PHEX: variants seen among roughly 807,000 people sequenced by gnomAD.
PHEX encodes phosphate regulating endopeptidase X-linked.
Under a neutral mutation model 68.0 loss-of-function variants are expected in PHEX, and 16 were observed. The observed-to-expected ratio is 0.24, with a 90% confidence interval of 0.16 to 0.36. The LOEUF is 0.36. Among genes scored for constraint, PHEX ranks in the 10% least tolerant of loss-of-function variants. The pLI, the probability that PHEX is intolerant of heterozygous loss-of-function variation, is 1.00. For missense variants in PHEX, 480 were observed against 575.5 expected, an observed-to-expected ratio of 0.83 and a Z score of 1.70; for synonymous variants, 208 against 205.1, an observed-to-expected ratio of 1.01 and a Z score of -0.12.
intron 12 of PHEX, among the ~76,000 whole-genome samples, chrX:22,137,088 G>A (rs985769824): frequency 7.2e-5 from 8 of 111,566 alleles, no homozygotes; most frequent in African/African-American, 2.3e-4. Context: ...GATTTTAGGG[G>A]TGTCTTCTGG....
chrX:22,199,726 G>A (rs1416704572), intron 15 of PHEX, among the ~76,000 whole-genome samples: 1 of 112,103 alleles, frequency 8.9e-6, no homozygotes, highest in Non-Finnish European at 1.9e-5. Context: ...ATTCAGGTAT[G>A]CCAAAGAGAA....
At chrX:22,238,478 A>G (rs5904637) in intron 20 of PHEX, among the ~76,000 whole-genome samples, 38,130 of 110,066 alleles carry the variant, frequency 0.35, 5,052 homozygotes, top group Middle Eastern at 0.41. Context: ...GGCTCGGTGC[A>G]TCCCACCCCC....
chrX:22,075,178 C>G lies in PHEX; in HGVS notation c.350-1210C>G, dbSNP rs750006800. 1.5e-3 allele frequency among the ~76,000 whole-genome samples: 166 copies of G among 109,414 alleles called. 1 individual carries two copies. The highest frequency in any genetic ancestry group is 5.3e-3 in the African/African-American group (161 of 30,121). ...ACAAGCTGAAATAATTGAAAATACT[C>G]ACATCCAACCCAATTTAATTTATTT... On this transcript the variant is annotated intron_variant, in intron 3 of 21. Coordinates refer to ENST00000379374, the MANE Select transcript of PHEX (RefSeq NM_000444.6).
intron 11 of PHEX, among the ~76,000 whole-genome samples, chrX:22,124,205 TC>T (rs1423563497): frequency 9.0e-6 from 1 of 111,692 alleles, no homozygotes; most frequent in Non-Finnish European, 1.9e-5. Context: ...TATCATCCGG[TC>T]CCAATCGTGA....
rs766317897 is a variant in PHEX, at chrX:22,215,210, T to C, written c.1700+2252T>C. On this transcript the variant is annotated intron_variant, in intron 16 of 21. Coordinates refer to ENST00000379374, the MANE Select transcript of PHEX (RefSeq NM_000444.6). ...CCTTAGGCTAGGTCATAGTTAATAC[T>C]TGAGTGTGAAAGAGAGTTTTTTTTT... Among the ~76,000 whole-genome samples, 27 of 111,345 alleles carry C rather than the reference T, an allele frequency of 2.4e-4. 1 individual carries two copies. Among genetic ancestry groups the C allele is most frequent in the Non-Finnish European group, 1.9e-4 (10 of 53,162 alleles).
intron 12 of PHEX, among the ~76,000 whole-genome samples, chrX:22,161,555 C>G (rs914724950): frequency 1.8e-5 from 2 of 112,165 alleles, no homozygotes; most frequent in Admixed American, 1.9e-4. Context: ...TTTTCTGATA[C>G]TCTTGATGAC....
At chrX:22,050,067 C>G (rs747924396) in intron 3 of PHEX, among the ~76,000 whole-genome samples, 1 of 112,332 alleles carries the variant, frequency 8.9e-6, no homozygotes, top group African/African-American at 3.2e-5. Context: ...TGCTTTTGCA[C>G]TCCAATGGTA....
intron 1 of PHEX, among the ~76,000 whole-genome samples, chrX:22,036,692 A>G (rs1173567733): frequency 9.1e-6 from 1 of 109,795 alleles, no homozygotes; most frequent in Non-Finnish European, 1.9e-5. Flanking sequence ...AATATTGCAC[A>G]CTAATCTTTA....
chrX:22,204,685 A>G (rs1736101434), intron 15 of PHEX, among the ~76,000 whole-genome samples: 1 of 111,988 alleles, frequency 8.9e-6, no homozygotes, highest in Non-Finnish European at 1.9e-5. Context: ...TTATAATGGG[A>G]TCTAAATAGA....
intron 11 of PHEX, among the ~76,000 whole-genome samples, chrX:22,131,548 T>A (rs1443652270): frequency 8.8e-6 from 1 of 113,257 alleles, no homozygotes; most frequent in African/African-American, 3.2e-5. Flanking sequence ...CCATCTGCTG[T>A]TTGTTCTTAT....
At chrX:22,228,003 G>A (rs1449091673) in intron 20 of PHEX, among the ~76,000 whole-genome samples, 1 of 111,062 alleles carries the variant, frequency 9.0e-6, no homozygotes, top group Admixed American at 9.6e-5. Context: ...CTGACTTTAT[G>A]CCACCACTCT....
At chrX:22,138,367 C>T (rs919041384) in intron 12 of PHEX, among the ~76,000 whole-genome samples, 5 of 112,640 alleles carry the variant, frequency 4.4e-5, no homozygotes, top group Admixed American at 9.4e-5. Context: ...AGCCACAGTC[C>T]CTTTTCTGCG....
chrX:22,105,436 C>T (rs1050124422), intron 9 of PHEX, among the ~76,000 whole-genome samples: 1 of 111,914 alleles, frequency 8.9e-6, no homozygotes, highest in Non-Finnish European at 1.9e-5. Context: ...GCAGGTCTGG[C>T]GGTAAGGCCT....
rs145556657 is a variant in PHEX, at chrX:22,112,307, C to T, written c.1173+747C>T. On this transcript the variant is annotated intron_variant, in intron 10 of 21. Transcript: ENST00000379374. ...ACCTGGCTCTTTAACCTTTGCTTCT[C>T]TCCCACCCTTGCTCGTCTCCCAGTT... is the stretch of plus-strand genomic sequence containing the variant. Among the ~76,000 whole-genome samples, 727 of 111,709 alleles carry T rather than the reference C, an allele frequency of 6.5e-3. 6 individuals carry two copies. The highest frequency in any genetic ancestry group is 0.022 in the African/African-American group (680 of 30,736).
chrX:22,128,251 C>T (rs184372830), intron 11 of PHEX, among the ~76,000 whole-genome samples: 4 of 108,204 alleles, frequency 3.7e-5, no homozygotes, highest in South Asian at 4.1e-4. Flanking sequence ...CTAGTAGAGA[C>T]GGGGTTTCAC....
At chrX:22,166,132 A>G (rs966863732) in intron 12 of PHEX, among the ~76,000 whole-genome samples, 31 of 111,899 alleles carry the variant, frequency 2.8e-4, no homozygotes, top group Non-Finnish European at 5.3e-4. Context: ...ACCTTTGTCT[A>G]TCTAAATGAT....
At chrX:22,036,731 C>CT (rs11291706) in intron 1 of PHEX, among the ~76,000 whole-genome samples, 7,141 of 97,416 alleles carry the variant, frequency 0.073, 284 homozygotes, top group Middle Eastern at 0.15. Context: ...TTTTACATAA[C>CT]TTTTTTTTTT....
At chrX:22,242,922 A>G (rs1936271731) in intron 20 of PHEX, among the ~76,000 whole-genome samples, 1 of 112,192 alleles carries the variant, frequency 8.9e-6, no homozygotes, top group African/African-American at 3.2e-5. Flanking sequence ...AGAATTGGAA[A>G]AAACTTACTT....
chrX:22,224,947 A>AATTATCATACAGCGCTCTATGATTT (rs1935400675), intron 18 of PHEX, among the ~76,000 whole-genome samples: 1 of 23,247 alleles, frequency 4.3e-5, no homozygotes, highest in African/African-American at 1.7e-4. Flanking sequence ...AAATAACATA[A>AATTATCATACAGCGCTCTATGATTT]ATTATCATAC....
Sources: allele counts gnomAD v4.1 joint callset (sites outside exome capture counted in the v4.1 genomes callset), GRCh38; gene constraint gnomAD v4.1.1; transcripts MANE v1.5; gene names NCBI Gene and HGNC (gene_info 2026-07-23, HGNC 2026-07-21).